CWF19L2: variants seen among roughly 807,000 people sequenced by gnomAD.
The protein encoded by CWF19L2 is CWF19 like cell cycle control factor 2, also known as CWF19-like protein 2.
Under a neutral mutation model 111.7 loss-of-function variants are expected in CWF19L2, and 98 were observed. The observed-to-expected ratio is 0.88, with a 90% CI of 0.75 to 1.04. The LOEUF (loss-of-function observed/expected upper bound fraction) is 1.04. Ranked by LOEUF, CWF19L2 falls within the 50% of genes least tolerant of loss-of-function variation. The pLI is 0.00. For missense variants in CWF19L2, 1,101 were observed against 1,051.4 expected, an observed-to-expected ratio of 1.05 and a Z score of -0.65; for synonymous variants, 351 against 342.9, an observed-to-expected ratio of 1.02 and a Z score of -0.26.
At chr11:107,397,084 G>C (rs1341964910) in intron 10 of CWF19L2, among the ~76,000 whole-genome samples, 3 of 152,166 alleles carry the variant, frequency 2.0e-5, no homozygotes, top group Non-Finnish European at 2.9e-5. Context: ...GTGGCCAGAG[G>C]AGCAGGGAGT....
intron 14 of CWF19L2, among the ~76,000 whole-genome samples, chr11:107,340,839 A>G (rs1407241042): frequency 2.0e-5 from 3 of 152,182 alleles, no homozygotes; most frequent in Non-Finnish European, 4.4e-5. Context: ...CATTTATCTT[A>G]TTTTTGAAAT....
chr11:107,359,289 T>A (rs1441907925), intron 12 of CWF19L2, among the ~76,000 whole-genome samples: 1 of 152,228 alleles, frequency 6.6e-6, no homozygotes, highest in Non-Finnish European at 1.5e-5. Flanking sequence ...GGATATGGAT[T>A]TGCCTTCCTG....
intron 10 of CWF19L2, among the ~76,000 whole-genome samples, chr11:107,410,914 G>A (rs1156592655): frequency 6.6e-6 from 1 of 152,002 alleles, no homozygotes; most frequent in East Asian, 1.9e-4. Flanking sequence ...TTCACTTTAG[G>A]AGGTGTATGA....
intron 14 of CWF19L2, among the ~76,000 whole-genome samples, chr11:107,337,122 C>T (rs1031264510): frequency 1.3e-5 from 2 of 152,180 alleles, no homozygotes; most frequent in South Asian, 4.1e-4. Context: ...CATGAGAATT[C>T]ACTTCCAATT....
chr11:107,396,908 T>C (rs145265149), intron 10 of CWF19L2, among the ~76,000 whole-genome samples: 165 of 152,220 alleles, frequency 1.1e-3, no homozygotes, highest in African/African-American at 3.8e-3. Context: ...ACTGGAGAAG[T>C]TGAAGGTCTG....
chr11:107,332,513 G>A lies in CWF19L2; in HGVS notation c.2439+2368C>T, dbSNP rs547679080. On this transcript the variant is annotated intron_variant, in intron 16 of 17. Transcript: ENST00000282251. ...AAAAATCAGAATGGATTACATATAC[G>A]TGAATCTCTATTATAAGCCAAGAAT... Among the ~76,000 whole-genome samples the A allele has an allele frequency of 9.3e-5, 14 of 150,626 alleles. No homozygotes were observed. In the South Asian group the frequency reaches 2.6e-3, roughly 28 times the overall value.
At chr11:107,423,433 A>C (rs1861329236) in intron 8 of CWF19L2, among the ~76,000 whole-genome samples, 1 of 151,930 alleles carries the variant, frequency 6.6e-6, no homozygotes, top group Non-Finnish European at 1.5e-5. Context: ...GCACCAGTGC[A>C]ATTATTCCCC....
chr11:107,433,315 A>AGT (rs1273653279), intron 7 of CWF19L2, among the ~76,000 whole-genome samples: 1 of 152,172 alleles, frequency 6.6e-6, no homozygotes, highest in African/African-American at 2.4e-5. Flanking sequence ...ACTCTGGAAT[A>AGT]TAAAAAATTT....
At chr11:107,350,237 A>G (rs1443922142) in intron 13 of CWF19L2, among the ~76,000 whole-genome samples, 1 of 152,190 alleles carries the variant, frequency 6.6e-6, no homozygotes, top group Non-Finnish European at 1.5e-5. Context: ...CATGCTGGGC[A>G]GTGTTCTACA....
chr11:107,343,590 T>C (rs1860036007), intron 14 of CWF19L2, among the ~76,000 whole-genome samples: 1 of 145,240 alleles, frequency 6.9e-6, no homozygotes, highest in African/African-American at 2.5e-5. Context: ...ATAGTAGAGA[T>C]ATTCTATTTT....
chr11:107,370,514 G>A (rs1565257009), intron 12 of CWF19L2, among the ~76,000 whole-genome samples: 1 of 123,546 alleles, frequency 8.1e-6, no homozygotes, highest in Non-Finnish European at 1.7e-5. Flanking sequence ...GCACAAGAAT[G>A]AGTCATTCTT....
intron 12 of CWF19L2, among the ~76,000 whole-genome samples, chr11:107,355,601 A>C (rs1860226254): frequency 6.6e-6 from 1 of 152,350 alleles, no homozygotes; most frequent in South Asian, 2.1e-4. Context: ...GAATGATAAA[A>C]GGTCACCTGA....
At chr11:107,453,755 G>T (rs762428342) in intron 3 of CWF19L2, among the ~76,000 whole-genome samples, 1 of 151,920 alleles carries the variant, frequency 6.6e-6, no homozygotes, top group Non-Finnish European at 1.5e-5. Flanking sequence ...TTGGCTCTTG[G>T]ATAGCATTTC....
At chr11:107,348,909 A>C in intron 14 of CWF19L2, 28 bp downstream of exon 14, 1 of 1,327,006 alleles carries the variant, frequency 7.5e-7, no homozygotes, top group Non-Finnish European at 1.1e-6. Flanking sequence ...TGAGTTTTAA[A>C]ATGATAATGA....
intron 12 of CWF19L2, among the ~76,000 whole-genome samples, chr11:107,367,740 C>G (rs534314875): frequency 2.3e-5 from 3 of 129,936 alleles, no homozygotes; most frequent in Admixed American, 7.5e-5. Flanking sequence ...TGACGAGTTA[C>G]TGGGTGCAGC....
chr11:107,447,487 AG>A (rs1861717183), intron 3 of CWF19L2, among the ~76,000 whole-genome samples: 1 of 152,236 alleles, frequency 6.6e-6, no homozygotes, highest in East Asian at 1.9e-4. Flanking sequence ...AAGACATTCT[AG>A]TTCCTCCCAA....
intron 1 of CWF19L2, among the ~76,000 whole-genome samples, chr11:107,456,290 C>A (rs1432604430): frequency 6.6e-6 from 1 of 152,152 alleles, no homozygotes; most frequent in Non-Finnish European, 1.5e-5. Context: ...CAAGTTTTTC[C>A]TAGGAAATCG....
intron 11 of CWF19L2, 101 bp from the exon 12 acceptor site, chr11:107,390,312 C>G (rs912892526): frequency 9.2e-6 from 9 of 977,702 alleles, no homozygotes; most frequent in Non-Finnish European, 1.2e-5. Context: ...AAAAATCCCA[C>G]TATGTAATCA....
At chr11:107,356,065 CAG>C (rs1267410028) in intron 12 of CWF19L2, among the ~76,000 whole-genome samples, 5 of 152,084 alleles carry the variant, frequency 3.3e-5, no homozygotes, top group African/African-American at 4.8e-5. Flanking sequence ...AAATCAGTAA[CAG>C]AAATATTTTT....
Sources: gnomAD v4.1 joint callset for allele counts (sites outside exome capture counted in the v4.1 genomes callset) on GRCh38, gnomAD v4.1.1 for gene constraint, MANE v1.5 for transcripts, NCBI Gene and HGNC (gene_info 2026-07-23, HGNC 2026-07-21) for gene names.